CHRM5: variants seen among roughly 807,000 people sequenced by gnomAD.
CHRM5 encodes muscarinic acetylcholine receptor M5.
CHRM5 carries 18 observed loss-of-function variants against 39.0 expected under a neutral mutation model. That is an observed-to-expected ratio of 0.46 (90% CI 0.32 to 0.68). The LOEUF is 0.68. Ranked by LOEUF, CHRM5 falls within the 30% of genes least tolerant of loss-of-function variation. The pLI is 0.04. For missense variants in CHRM5, 515 were observed against 651.1 expected (o/e 0.79, Z 2.28); for synonymous variants, 241 against 246.3 (o/e 0.98, Z 0.20).
intron 2 of CHRM5, among the ~76,000 whole-genome samples, chr15:34,056,424 C>T (rs191655890): frequency 1.8e-4 from 28 of 152,322 alleles, no homozygotes; most frequent in Non-Finnish European, 8.8e-5. Context: ...AGACATTCCT[C>T]TGAGAAAGGC....
chr15:34,027,062 C>G (rs1280818156), intron 1 of CHRM5, among the ~76,000 whole-genome samples: 1 of 152,188 alleles, frequency 6.6e-6, no homozygotes, highest in Non-Finnish European at 1.5e-5. Flanking sequence ...ACTACAAAAG[C>G]AACAAGAACA....
chr15:34,020,735 A>G (rs970976277), intron 1 of CHRM5, among the ~76,000 whole-genome samples: 3 of 152,242 alleles, frequency 2.0e-5, no homozygotes, highest in African/African-American at 7.2e-5. Context: ...CTTGTCATGA[A>G]AAGCTGTAAA....
At chr15:33,983,007 C>CATG (rs1896222189) in intron 1 of CHRM5, among the ~76,000 whole-genome samples, 1 of 151,636 alleles carries the variant, frequency 6.6e-6, no homozygotes, top group Admixed American at 6.6e-5. Flanking sequence ...CTGCATGGAC[C>CATG]ATGACTGTCT....
chr15:34,062,568 A>AAC (rs1413794394), intron 2 of CHRM5, 75 bp from the exon 3 acceptor site: 8 of 689,284 alleles, frequency 1.2e-5, no homozygotes, highest in Non-Finnish European at 1.6e-5. Flanking sequence ...AAAAAAAAAA[A>AAC]AAAAAACTAT....
rs898839226 is a variant in CHRM5, at chr15:34,029,805, A to G, written c.-407-16735A>G. ...TAGGGATTAAGACTTCTTTAATAAT[A>G]TAAGACTAATCTTCAATTAGCCCAA... On this transcript the variant is annotated intron_variant, in intron 1 of 2. Coordinates refer to ENST00000383263, the MANE Select transcript of CHRM5 (RefSeq NM_012125.4). Among the ~76,000 whole-genome samples the G allele has an allele frequency of 7.2e-5, 11 of 152,230 alleles. No homozygotes were observed. The East Asian group carries it at 2.1e-3, about 29-fold the overall frequency.
intron 2 of CHRM5, among the ~76,000 whole-genome samples, chr15:34,056,384 T>G (rs1191910979): frequency 6.6e-6 from 1 of 152,194 alleles, no homozygotes. Context: ...ATTTCCCAAA[T>G]GTGATTCATG....
At chr15:34,000,420 T>C (rs1897093770) in intron 1 of CHRM5, among the ~76,000 whole-genome samples, 1 of 152,154 alleles carries the variant, frequency 6.6e-6, no homozygotes, top group Non-Finnish European at 1.5e-5. Context: ...AATTTAAAAG[T>C]CCAACAGTAC....
chr15:34,031,564 T>C (rs1315106524), intron 1 of CHRM5, among the ~76,000 whole-genome samples: 1 of 152,222 alleles, frequency 6.6e-6, no homozygotes, highest in Non-Finnish European at 1.5e-5. Context: ...TTCGTATCAG[T>C]CCTTAATGGC....
In CHRM5 at chr15:34,063,817, C is replaced by G. The variant is rs778435512; in HGVS notation, c.1100C>G (p.Ala367Gly). ...DTPNYLLSPAAAHRPKSQKCV... is the reference protein window; with the variant it reads ...DTPNYLLSPAGAHRPKSQKCV... ...CCAAACTACCTTCTGTCTCCAGCAG[C>G]TGCTCATAGACCCAAGAGTCAGAAA... Residue 367 changes from alanine to glycine, a missense_variant, in exon 3 of 3, where the codon GCT (alanine) becomes GGT (glycine). Ala to Gly is a moderately conservative substitution (Grantham distance 60, BLOSUM62 0). Transcript: ENST00000383263. This position sits in a 1 kb window ranked among gnomAD's most constrained non-coding sequence, Gnocchi z 4.1. 2.5e-6 allele frequency: 4 copies of G among 1,614,230 alleles called. No individual in the cohort carries two copies.
intron 2 of CHRM5, among the ~76,000 whole-genome samples, chr15:34,053,570 C>G (rs778304841): frequency 6.6e-6 from 1 of 151,776 alleles, no homozygotes; most frequent in Non-Finnish European, 1.5e-5. Flanking sequence ...CAAAAACAAG[C>G]AGTGGGGAAA....
In CHRM5 at chr15:34,064,114, C is replaced by T; in HGVS notation, c.1397C>T (p.Thr466Ile). ...TATAACATCATGGTCCTGGTTTCTA[C>T]CTTCTGTGACAAGTGTGTCCCAGTC... ...TPYNIMVLVS[T>I]FCDKCVPVTL... is the part of the protein sequence containing the mutation. The change falls in exon 3 of 3, where the codon ACC (threonine) becomes ATC (isoleucine). Residue 466 changes from threonine to isoleucine, a missense_variant. Thr to Ile is a moderately conservative substitution (Grantham distance 89, BLOSUM62 -1). Coordinates refer to ENST00000383263, the MANE Select transcript of CHRM5 (RefSeq NM_012125.4). 5 of 1,614,178 alleles carry T rather than the reference C, an allele frequency of 3.1e-6. No homozygotes were observed. Among genetic ancestry groups the T allele is most frequent in the Non-Finnish European group, 4.2e-6 (5 of 1,180,032 alleles).
chr15:34,030,718 A>G (rs559666618), intron 1 of CHRM5, among the ~76,000 whole-genome samples: 1 of 152,142 alleles, frequency 6.6e-6, no homozygotes, highest in African/African-American at 2.4e-5. Flanking sequence ...TCCTGGGTTA[A>G]AAATCTTCCT....
chr15:34,029,482 AC>A (rs1898659953), intron 1 of CHRM5, among the ~76,000 whole-genome samples: 2 of 146,342 alleles, frequency 1.4e-5, no homozygotes, highest in South Asian at 4.5e-4. Flanking sequence ...GGAGTTCAAG[AC>A]CAGCCTGGGC....
At chr15:33,993,718 C>T (rs1432718961) in intron 1 of CHRM5, among the ~76,000 whole-genome samples, 3 of 152,144 alleles carry the variant, frequency 2.0e-5, no homozygotes, top group Non-Finnish European at 2.9e-5. Flanking sequence ...CACCTGCTAC[C>T]GGGCCCTCCT....
intron 1 of CHRM5, among the ~76,000 whole-genome samples, chr15:34,038,397 C>G (rs1240498545): frequency 6.6e-6 from 1 of 152,232 alleles, no homozygotes; most frequent in Non-Finnish European, 1.5e-5. Context: ...CGAGGGACCA[C>G]GTCGTGGCCG....
intron 1 of CHRM5, among the ~76,000 whole-genome samples, chr15:33,983,168 GTGTATA>G (rs1332894877): frequency 9.8e-5 from 10 of 101,752 alleles, no homozygotes; most frequent in South Asian, 3.7e-4. Flanking sequence ...GTATGTGTGT[GTGTATA>G]TATACACACG....
intron 1 of CHRM5, among the ~76,000 whole-genome samples, chr15:34,002,374 C>CT (rs754008641): frequency 2.8e-5 from 4 of 143,710 alleles, no homozygotes; most frequent in Non-Finnish European, 6.1e-5. Flanking sequence ...TCCAGTTATT[C>CT]TTTAAACTCT....
intron 1 of CHRM5, among the ~76,000 whole-genome samples, chr15:34,025,371 G>A (rs1288403380): frequency 6.6e-6 from 1 of 152,154 alleles, no homozygotes; most frequent in Non-Finnish European, 1.5e-5. Context: ...GAAATAGGCT[G>A]AATAAAAAAT....
chr15:33,976,392 A>C (rs1895888695), intron 1 of CHRM5, among the ~76,000 whole-genome samples: 2 of 152,194 alleles, frequency 1.3e-5, no homozygotes, highest in African/African-American at 4.8e-5. Context: ...AATATTTTCA[A>C]ATATATTCTT....
Sources: allele counts gnomAD v4.1 joint callset (sites outside exome capture counted in the v4.1 genomes callset), GRCh38; gene constraint gnomAD v4.1.1; non-coding constraint Gnocchi (gnomAD v3.1); transcripts MANE v1.5; gene names NCBI Gene and HGNC (gene_info 2026-07-23, HGNC 2026-07-21).